KIAA1549: variants seen among roughly 807,000 people sequenced by gnomAD.
The protein encoded by KIAA1549 is UPF0606 protein KIAA1549.
Under a neutral mutation model 156.4 loss-of-function variants are expected in KIAA1549, and 70 were observed. That is an observed-to-expected ratio of 0.45 (90% CI 0.37 to 0.55). The LOEUF is 0.55. Ranked by LOEUF, KIAA1549 falls within the 20% of genes least tolerant of loss-of-function variation. The pLI, the probability that KIAA1549 is intolerant of heterozygous loss-of-function variation, is 0.00. For missense variants in KIAA1549, 2,428 were observed against 2,540.9 expected (o/e 0.96, Z 0.96); for synonymous variants, 1,103 against 1,066.4 (o/e 1.03, Z -0.67).
rs772991700 is a variant in KIAA1549 at position 138,917,553 on chromosome 7, A to C, written c.2073T>G (p.Leu691=). 9 of 1,613,808 alleles carry C rather than the reference A, an allele frequency of 5.6e-6. No homozygotes were observed. Among genetic ancestry groups the C allele is most frequent in the Non-Finnish European group, 7.6e-6 (9 of 1,179,894 alleles). The change falls in exon 2 of 20, where the codon CTT becomes CTG. Residue 691 remains leucine (L), a synonymous_variant. Transcript: ENST00000422774. ...SQLSLPSSTN[L]EFSQLQPSSE... is the part of the protein sequence containing the mutation. The stretch of plus-strand genomic sequence containing the variant: ...AACTTGGCTGGAGCTGCGAAAACTC[A>C]AGATTTGTGGAACTGGGAAGAGACA...
chr7:138,887,300 TA>T (rs1811421088), intron 10 of KIAA1549, among the ~76,000 whole-genome samples: 1 of 152,192 alleles, frequency 6.6e-6, no homozygotes. Flanking sequence ...TTACATAAAA[TA>T]AATTCATCAT....
At chr7:138,963,986 T>G (rs1475566262) in intron 1 of KIAA1549, among the ~76,000 whole-genome samples, 1 of 152,204 alleles carries the variant, frequency 6.6e-6, no homozygotes, top group Non-Finnish European at 1.5e-5. Flanking sequence ...GGAATATGGC[T>G]CATCATGGAA....
intron 1 of KIAA1549, among the ~76,000 whole-genome samples, chr7:138,953,080 G>A (rs1054124136): frequency 2.0e-5 from 3 of 152,212 alleles, no homozygotes; most frequent in Non-Finnish European, 4.4e-5. Flanking sequence ...CTGTAGCTGG[G>A]CACGGTGGCT....
intron 12 of KIAA1549, among the ~76,000 whole-genome samples, chr7:138,875,224 C>T (rs1162204794): frequency 6.6e-6 from 1 of 152,030 alleles, no homozygotes; most frequent in African/African-American, 2.4e-5. Context: ...ATCACAATGT[C>T]CCCCATAAAT....
chr7:138,920,157 C>A (rs1812522508), intron 1 of KIAA1549, among the ~76,000 whole-genome samples: 1 of 145,910 alleles, frequency 6.9e-6, no homozygotes, highest in Non-Finnish European at 1.5e-5. Context: ...CTCACCCCCG[C>A]CTGGAATGCC....
In KIAA1549 at chr7:138,862,565, A is replaced by G. The variant is rs573558323; in HGVS notation, c.4930-1109T>C. 1.9e-3 allele frequency among the ~76,000 whole-genome samples: 291 copies of G among 152,132 alleles called. 1 individual carries two copies. The highest frequency in any genetic ancestry group is 3.5e-3 in the Non-Finnish European group (240 of 67,998). On this transcript the variant is annotated intron_variant, in intron 15 of 19. Coordinates refer to ENST00000422774, the MANE Select transcript of KIAA1549 (RefSeq NM_001164665.2). ...ACGTATGTGTGCAAGCAATTACAAT[A>G]TCTATTTTATGAAAACTATTCAGAA...
chr7:138,935,412 A>G (rs1812982057), intron 1 of KIAA1549, among the ~76,000 whole-genome samples: 1 of 152,370 alleles, frequency 6.6e-6, no homozygotes, highest in African/African-American at 2.4e-5. Flanking sequence ...ACCAACCTAG[A>G]AAGCAAGACT....
Position 138,918,737 on chromosome 7 carries a change from T to C in KIAA1549, c.889A>G (p.Ile297Val). ...CCCAAGGAGGGCAACGGTATAGTAA[T>C]GCCGTCGCCTAACGGCTGTGGCATT... ...SLMPQPLGDG[I>V]TIPLPSLGEV... The change falls in exon 2 of 20, where the codon ATT becomes GTT. Residue 297 changes from isoleucine (I) to valine (V), a missense_variant. By Grantham distance (29) the Ile-to-Val change is conservative. Around this residue, in one of 5 missense-constraint regions of KIAA1549, gnomAD observed 893 missense variants for 847.9 expected, o/e 1.05. Coordinates refer to ENST00000422774, the MANE Select transcript of KIAA1549 (RefSeq NM_001164665.2). The surrounding 1 kb of genome is among the most constrained non-coding windows in gnomAD (Gnocchi z 4.2). 1 of 1,613,820 alleles carries C rather than the reference T, an allele frequency of 6.2e-7. No individual in the cohort carries two copies. Among genetic ancestry groups the C allele is most frequent in the Non-Finnish European group, 8.5e-7 (1 of 1,179,874 alleles).
intron 1 of KIAA1549, among the ~76,000 whole-genome samples, chr7:138,933,688 A>G (rs1166334572): frequency 6.6e-6 from 1 of 152,252 alleles, no homozygotes; most frequent in Non-Finnish European, 1.5e-5. Context: ...AAAATAGACC[A>G]GGCGCAGTGG....
At chr7:138,871,120 T>C in intron 13 of KIAA1549, 37 bp downstream of exon 13, 1 of 1,591,612 alleles carries the variant, frequency 6.3e-7, no homozygotes, top group Non-Finnish European at 8.5e-7. Flanking sequence ...CTTAGCCGAG[T>C]TTTTTAAGTA....
intron 1 of KIAA1549, among the ~76,000 whole-genome samples, chr7:138,940,199 G>A (rs1813139359): frequency 1.3e-5 from 2 of 150,098 alleles, no homozygotes; most frequent in Non-Finnish European, 3.0e-5. Flanking sequence ...GGTGTGTGAT[G>A]TTCCCCTTCC....
In KIAA1549 at chr7:138,948,296, G is replaced by A. The variant is rs116414413; in HGVS notation, c.188-28858C>T. Among the ~76,000 whole-genome samples, 624 of 152,292 alleles carry A rather than the reference G, an allele frequency of 4.1e-3. 6 individuals carry two copies. The highest frequency in any genetic ancestry group is 0.015 in the African/African-American group (608 of 41,554). On this transcript the variant is annotated intron_variant, in intron 1 of 19. Transcript: ENST00000422774. The stretch of plus-strand genomic sequence containing the variant: ...TCGGACACAGAGACAGACACACATG[G>A]AGGGAAGATGGTGTGAACACACAGG...
In KIAA1549 at chr7:138,861,185, C is replaced by A; in HGVS notation, c.5201G>T (p.Trp1734Leu). Residue 1734 changes from tryptophan to leucine, a missense_variant, in exon 16 of 20, where the codon TGG becomes TTG. Physicochemically the swap from Trp to Leu is moderately conservative, Grantham distance 61 (BLOSUM62 -2). Coordinates refer to ENST00000422774, the MANE Select transcript of KIAA1549 (RefSeq NM_001164665.2). ...CTGGGCTGGGCTGTAGAAGGACCCC[C>A]ACTGGGTGGCTCGCCTCTCTTCCTG... Reference protein sequence around the residue: ...PSQEERRATQWGSFYSPAQTA... With the variant: ...PSQEERRATQLGSFYSPAQTA... The A allele has an allele frequency of 2.5e-6, 4 of 1,613,884 alleles. No homozygotes were observed. Among genetic ancestry groups the A allele is most frequent in the Non-Finnish European group, 3.4e-6 (4 of 1,179,876 alleles).
At chr7:138,879,192 G>A (rs1418742975) in intron 12 of KIAA1549, among the ~76,000 whole-genome samples, 1 of 152,190 alleles carries the variant, frequency 6.6e-6, no homozygotes, top group Admixed American at 6.5e-5. Context: ...GTGAATCCTG[G>A]AATTGGTTCC....
At chr7:138,925,225 C>CA (rs1302603164) in intron 1 of KIAA1549, among the ~76,000 whole-genome samples, 1 of 152,184 alleles carries the variant, frequency 6.6e-6, no homozygotes, top group African/African-American at 2.4e-5. Flanking sequence ...CTCAGACTCT[C>CA]ACAAGCAAGA....
At chr7:138,878,844 C>A (rs985844594) in intron 12 of KIAA1549, among the ~76,000 whole-genome samples, 1 of 151,896 alleles carries the variant, frequency 6.6e-6, no homozygotes, top group African/African-American at 2.4e-5. Context: ...TAAAAATAAA[C>A]CTCCAGCAAA....
At chr7:138,922,268 C>T (rs1349563325) in intron 1 of KIAA1549, among the ~76,000 whole-genome samples, 1 of 152,310 alleles carries the variant, frequency 6.6e-6, no homozygotes, top group Admixed American at 6.5e-5. Context: ...AGGTCTCCAG[C>T]GCCTGTCAGA....
intron 1 of KIAA1549, among the ~76,000 whole-genome samples, chr7:138,939,000 T>C (rs1327540007): frequency 6.6e-6 from 1 of 151,960 alleles, no homozygotes; most frequent in Non-Finnish European, 1.5e-5. Context: ...GTGAGCCGAG[T>C]GAGACTCTGT....
intron 1 of KIAA1549, among the ~76,000 whole-genome samples, chr7:138,948,995 G>A (rs1457006097): frequency 1.3e-5 from 2 of 152,056 alleles, no homozygotes; most frequent in African/African-American, 4.8e-5. Flanking sequence ...GTGAGCCACC[G>A]CGCCCGGCCA....
Sources: gnomAD v4.1 joint callset for allele counts (sites outside exome capture counted in the v4.1 genomes callset) on GRCh38, gnomAD v4.1.1 for gene constraint, gnomAD v4.1.1 regional missense constraint, Gnocchi (gnomAD v3.1) non-coding constraint, MANE v1.5 for transcripts, NCBI Gene and HGNC (gene_info 2026-07-23, HGNC 2026-07-21) for gene names.